PLXDC1: variants seen among roughly 807,000 people sequenced by gnomAD.
PLXDC1 encodes plexin domain-containing protein 1.
Under a neutral mutation model 61.3 loss-of-function variants are expected in PLXDC1, and 39 were observed. That is an observed-to-expected ratio of 0.64 (90% CI 0.49 to 0.83). The LOEUF (loss-of-function observed/expected upper bound fraction) is 0.83. Among genes scored for constraint, PLXDC1 ranks in the 40% least tolerant of loss-of-function variants. PLXDC1 has a pLI of 0.00. For missense variants in PLXDC1, 596 were observed against 666.5 expected (o/e 0.89, Z 1.17); for synonymous variants, 212 against 254.5 (o/e 0.83, Z 1.59).
chr17:39,105,279 C>T lies in PLXDC1; in HGVS notation c.811+575G>A, dbSNP rs112816493. 6.6e-3 allele frequency among the ~76,000 whole-genome samples: 1,006 copies of T among 152,264 alleles called. 10 individuals are homozygous for T. Among genetic ancestry groups the T allele is most frequent in the African/African-American group, 0.023 (943 of 41,546 alleles). On this transcript the variant is annotated intron_variant, in intron 7 of 13. Transcript: ENST00000315392. ...TACAAATCCAAGACCCTCGTGAGCA[C>T]GCAATGGGGGTCGGGAGCAGGGGAG...
intron 8 of PLXDC1, 110 bp downstream of exon 8, chr17:39,087,497 G>A (rs747232783): frequency 2.6e-5 from 21 of 815,306 alleles, no homozygotes; most frequent in East Asian, 1.3e-4. Flanking sequence ...GGAGGGCCCC[G>A]AAAAGTTAGG....
At chr17:39,087,238 C>T (rs2143460193) in intron 8 of PLXDC1, among the ~76,000 whole-genome samples, 1 of 152,338 alleles carries the variant, frequency 6.6e-6, no homozygotes, top group African/African-American at 2.4e-5. Context: ...TGAGGCCCGT[C>T]TAGTTCCTGG....
At chr17:39,114,940 G>A (rs575882498) in intron 2 of PLXDC1, among the ~76,000 whole-genome samples, 15 of 152,338 alleles carry the variant, frequency 9.8e-5, no homozygotes, top group African/African-American at 3.6e-4. Context: ...GCCACGCTCT[G>A]CAGTTGTGAA....
intron 7 of PLXDC1, among the ~76,000 whole-genome samples, chr17:39,096,327 A>G (rs571122699): frequency 5.9e-5 from 9 of 152,346 alleles, no homozygotes; most frequent in Admixed American, 2.0e-4. Context: ...GGAGCAGAGT[A>G]GTGGGAAAAA....
At chr17:39,130,901 C>CA (rs1911538598) in intron 2 of PLXDC1, among the ~76,000 whole-genome samples, 1 of 151,644 alleles carries the variant, frequency 6.6e-6, no homozygotes, top group Non-Finnish European at 1.5e-5. Flanking sequence ...TTCATCTCAA[C>CA]AAAAAAGAAA....
chr17:39,139,570 A>G (rs1219988362), intron 2 of PLXDC1, 84 bp downstream of exon 2: 4 of 1,282,300 alleles, frequency 3.1e-6, no homozygotes, highest in Non-Finnish European at 4.4e-6. Context: ...TGTGATTTGC[A>G]TGTAGGACAA....
rs1910666007 is a variant in PLXDC1, at chr17:39,108,241, G to A, written c.474C>T (p.Phe158=). 2 of 1,613,830 alleles carry A rather than the reference G, an allele frequency of 1.2e-6. No homozygotes were observed. Among genetic ancestry groups the A allele is most frequent in the East Asian group, 2.2e-5 (1 of 44,898 alleles). ...GATGGATCACGTCCCCCATGAAGATGAAGCCTAGGGTGGGAGAGGTGCAGA... is the reference window on the plus strand; with the variant it reads ...GATGGATCACGTCCCCCATGAAGATAAAGCCTAGGGTGGGAGAGGTGCAGA... ...LRQITIATGG[F]IFMGDVIHRM... The change falls in exon 5 of 14, where the codon TTC becomes TTT. Residue 158 remains phenylalanine (F), a synonymous_variant. Coordinates refer to ENST00000315392, the MANE Select transcript of PLXDC1 (RefSeq NM_020405.5).
chr17:39,145,856 A>G (rs2045338110), intron 1 of PLXDC1, among the ~76,000 whole-genome samples: 1 of 152,114 alleles, frequency 6.6e-6, no homozygotes, highest in Admixed American at 6.6e-5. Context: ...CAGTTTCCTC[A>G]TCTGTGAGAT....
chr17:39,068,560 G>A (rs768610291), intron 13 of PLXDC1, among the ~76,000 whole-genome samples: 3 of 152,146 alleles, frequency 2.0e-5, no homozygotes, highest in Admixed American at 6.5e-5. Context: ...GCCTGTAGTC[G>A]CAACTACTCA....
At chr17:39,089,080 G>T (rs975193510) in intron 7 of PLXDC1, among the ~76,000 whole-genome samples, 3 of 152,142 alleles carry the variant, frequency 2.0e-5, no homozygotes, top group Non-Finnish European at 4.4e-5. Context: ...CAGGAATTGA[G>T]CTTTGAGAAT....
chr17:39,084,495 C>A (rs1413925276), intron 8 of PLXDC1, among the ~76,000 whole-genome samples: 1 of 152,206 alleles, frequency 6.6e-6, no homozygotes, highest in Non-Finnish European at 1.5e-5. Context: ...CTGGTTGCCC[C>A]CAGTGCTTGT....
chr17:39,142,766 T>C (rs1015538093), intron 1 of PLXDC1, among the ~76,000 whole-genome samples: 4 of 152,236 alleles, frequency 2.6e-5, no homozygotes, highest in African/African-American at 9.6e-5. Flanking sequence ...ACTCCTGGGC[T>C]CTAGCGGTCC....
chr17:39,096,594 T>G (rs916033653), intron 7 of PLXDC1, among the ~76,000 whole-genome samples: 1 of 152,140 alleles, frequency 6.6e-6, no homozygotes, highest in African/African-American at 2.4e-5. Context: ...GACTCAAGTC[T>G]GCCTCGGAAA....
chr17:39,130,255 C>T (rs1330826278), intron 2 of PLXDC1, among the ~76,000 whole-genome samples: 3 of 152,110 alleles, frequency 2.0e-5, no homozygotes, highest in African/African-American at 7.2e-5. Context: ...GAGTTCAAGA[C>T]CACCCTGGGC....
intron 1 of PLXDC1, among the ~76,000 whole-genome samples, chr17:39,143,634 G>A (rs1456980188): frequency 6.6e-6 from 1 of 152,238 alleles, no homozygotes; most frequent in African/African-American, 2.4e-5. Flanking sequence ...CTCCGCTGTG[G>A]GGCCCTGCTT....
At chr17:39,069,214 TC>T (rs1202110161) in intron 13 of PLXDC1, among the ~76,000 whole-genome samples, 2 of 152,150 alleles carry the variant, frequency 1.3e-5, no homozygotes, top group African/African-American at 4.8e-5. Context: ...CAAGGGATCC[TC>T]CCACCTCAGC....
intron 2 of PLXDC1, among the ~76,000 whole-genome samples, chr17:39,135,676 TAA>T (rs35762241): frequency 2.9e-4 from 30 of 104,322 alleles, no homozygotes; most frequent in African/African-American, 4.7e-4. Context: ...ACACTCCGTC[TAA>T]AAAAAAAAAA....
intron 2 of PLXDC1, among the ~76,000 whole-genome samples, chr17:39,114,889 C>T (rs1910918264): frequency 6.6e-6 from 1 of 152,180 alleles, no homozygotes; most frequent in African/African-American, 2.4e-5. Flanking sequence ...GAGAGCTTTC[C>T]CCAAACCTCC....
At chr17:39,124,013 C>T (rs1353241369) in intron 2 of PLXDC1, among the ~76,000 whole-genome samples, 1 of 152,046 alleles carries the variant, frequency 6.6e-6, no homozygotes, top group East Asian at 1.9e-4. Context: ...CAGTCCCTGC[C>T]CTTCGATCGC....
Sources: gnomAD v4.1 joint callset for allele counts (sites outside exome capture counted in the v4.1 genomes callset) on GRCh38, gnomAD v4.1.1 for gene constraint, MANE v1.5 for transcripts, NCBI Gene and HGNC (gene_info 2026-07-23, HGNC 2026-07-21) for gene names.